Variants in HDAC9 observed in about 807,000 individuals in gnomAD.
The protein encoded by HDAC9 is histone deacetylase 9.
A neutral mutation model predicts 139.4 loss-of-function variants in HDAC9; 41 were observed. The observed-to-expected ratio is 0.29, with a 90% CI of 0.23 to 0.38. The LOEUF (loss-of-function observed/expected upper bound fraction) is 0.38. HDAC9 is among the 10% of genes least tolerant of loss of function. HDAC9 has a pLI of 1.00. For synonymous variants in HDAC9, 517 were observed against 476.2 expected, an observed-to-expected ratio of 1.09 and a Z score of -1.12; for missense variants, 1,147 against 1,297.0, an observed-to-expected ratio of 0.88 and a Z score of 1.78.
intron 1 of HDAC9, among the ~76,000 whole-genome samples, chr7:18,343,736 C>T (rs1434804043): frequency 6.6e-6 from 1 of 151,784 alleles, no homozygotes; most frequent in African/African-American, 2.4e-5. Flanking sequence ...AAATAACAAC[C>T]ATTTCCGCAT....
chr7:18,782,823 A>G (rs1276063429), intron 16 of HDAC9, among the ~76,000 whole-genome samples: 1 of 152,018 alleles, frequency 6.6e-6, no homozygotes, highest in Non-Finnish European at 1.5e-5. Flanking sequence ...ATGAGGAAGG[A>G]GTATTATTCC....
chr7:18,174,031 C>T (rs564361462), intron 2 of HDAC9, among the ~76,000 whole-genome samples: 122 of 152,288 alleles, frequency 8.0e-4, no homozygotes, highest in Admixed American at 1.3e-3. Context: ...CGATAATATC[C>T]TGAAGAGTGT....
intron 22 of HDAC9, among the ~76,000 whole-genome samples, chr7:18,896,754 G>C (rs1801237343): frequency 6.6e-6 from 1 of 152,054 alleles, no homozygotes; most frequent in Non-Finnish European, 1.5e-5. Flanking sequence ...TAAAGATAGT[G>C]ACATCGGGTC....
rs765824635 is a variant in HDAC9 at position 18,904,134 on chromosome 7, C to T, written c.2803+29538C>T. Among the ~76,000 whole-genome samples, 8 of 152,134 alleles carry T rather than the reference C, an allele frequency of 5.3e-5. No individual in the cohort carries two copies. The East Asian group carries it at 9.6e-4, about 18-fold the overall frequency. On this transcript the variant is annotated intron_variant, in intron 22 of 25. Transcript: ENST00000686413. ...CTTGGATTAAAAATATGTATTTTCC[C>T]GATTTCTTTTAAGTAGATAAAGTTT...
intron 2 of HDAC9, among the ~76,000 whole-genome samples, chr7:18,547,858 A>ACCTTCCCT (rs1815602856): frequency 3.7e-5 from 1 of 26,694 alleles, no homozygotes; most frequent in African/African-American, 1.3e-4. Flanking sequence ...CTTCCTTCCT[A>ACCTTCCCT]CCCTCCCTCC....
chr7:18,707,554 C>T (rs1017880314), intron 12 of HDAC9, among the ~76,000 whole-genome samples: 3 of 152,002 alleles, frequency 2.0e-5, no homozygotes, highest in South Asian at 4.1e-4. Context: ...GGAATATAGT[C>T]GGAATATATG....
intron 6 of HDAC9, among the ~76,000 whole-genome samples, chr7:18,619,645 A>T (rs1345664257): frequency 6.6e-6 from 1 of 152,200 alleles, no homozygotes; most frequent in Non-Finnish European, 1.5e-5. Context: ...GCCTGTCTAC[A>T]TTCTGAGAAG....
chr7:18,693,291 AAT>A (rs1315499685), intron 12 of HDAC9, among the ~76,000 whole-genome samples: 4 of 152,110 alleles, frequency 2.6e-5, no homozygotes, highest in African/African-American at 9.7e-5. Context: ...ATGTTTTTGT[AAT>A]AGTTATTGAA....
chr7:18,462,085 CAG>C lies in HDAC9; in HGVS notation c.-41-34174_-41-34173del, dbSNP rs1793900971. 2.0e-5 allele frequency among the ~76,000 whole-genome samples: 3 copies of C among 150,722 alleles called. No individual in the cohort carries two copies. The South Asian group carries it at 6.2e-4, about 31-fold the overall frequency. On this transcript the variant is annotated intron_variant, in intron 1 of 3. Transcript: ENST00000413509. The stretch of plus-strand genomic sequence containing the variant: ...ATCTCCTTTAAATAGTTATAAAACT[CAG>C]AGTTTACAACTTCTGGTCTTAACAT...
intron 16 of HDAC9, among the ~76,000 whole-genome samples, chr7:18,783,124 G>A (rs947216273): frequency 2.6e-5 from 4 of 152,008 alleles, no homozygotes; most frequent in African/African-American, 9.7e-5. Context: ...ACCAAATTTT[G>A]GTGTATGACT....
chr7:18,215,997 C>T (rs979764206), intron 2 of HDAC9, among the ~76,000 whole-genome samples: 2 of 151,976 alleles, frequency 1.3e-5, no homozygotes, highest in Non-Finnish European at 2.9e-5. Context: ...TCTCTCGTCT[C>T]GCACCTCTTC....
intron 1 of HDAC9, among the ~76,000 whole-genome samples, chr7:18,484,038 G>A (rs1795784467): frequency 6.6e-6 from 1 of 151,890 alleles, no homozygotes; most frequent in Admixed American, 6.6e-5. Context: ...TTACCCTAAT[G>A]GCTAAATATT....
At chr7:18,985,223 C>A (rs1270844550) in intron 25 of HDAC9, among the ~76,000 whole-genome samples, 1 of 152,086 alleles carries the variant, frequency 6.6e-6, no homozygotes, top group Non-Finnish European at 1.5e-5. Context: ...TCCCTACCCC[C>A]CCAACCCCAC....
At chr7:18,358,274 C>G (rs941925823) in intron 1 of HDAC9, among the ~76,000 whole-genome samples, 20 of 152,182 alleles carry the variant, frequency 1.3e-4, no homozygotes, top group Non-Finnish European at 1.3e-4. Flanking sequence ...TGAGTTTCAC[C>G]TGCAATTTAG....
chr7:18,910,648 C>A (rs1266670192), intron 22 of HDAC9, among the ~76,000 whole-genome samples: 12 of 151,894 alleles, frequency 7.9e-5, no homozygotes, highest in Non-Finnish European at 1.3e-4. Flanking sequence ...TTTCAGCATT[C>A]AGTATAGTAT....
chr7:18,319,321 T>G (rs1180108626), intron 1 of HDAC9, among the ~76,000 whole-genome samples: 1 of 152,176 alleles, frequency 6.6e-6, no homozygotes, highest in Non-Finnish European at 1.5e-5. Context: ...GTTTATGCAT[T>G]TAAACATAAA....
chr7:18,987,932 A>G (rs1471567982), intron 25 of HDAC9, among the ~76,000 whole-genome samples: 1 of 149,394 alleles, frequency 6.7e-6, no homozygotes, highest in Non-Finnish European at 1.5e-5. Flanking sequence ...ATCATTTTTT[A>G]TCGCATCTAT....
chr7:18,677,512 G>A (rs1007660406), intron 12 of HDAC9, among the ~76,000 whole-genome samples: 2 of 151,884 alleles, frequency 1.3e-5, no homozygotes, highest in African/African-American at 4.8e-5. Context: ...GAGTGAAAAT[G>A]AGTTGTACAC....
chr7:18,545,506 A>G (rs1222572236), intron 2 of HDAC9, among the ~76,000 whole-genome samples: 1 of 152,158 alleles, frequency 6.6e-6, no homozygotes, highest in Non-Finnish European at 1.5e-5. Flanking sequence ...TATTAGGTAT[A>G]TCTTTTGGCC....
Sources: gnomAD v4.1 joint callset for allele counts (sites outside exome capture counted in the v4.1 genomes callset) on GRCh38, gnomAD v4.1.1 for gene constraint, MANE v1.5 for transcripts, NCBI Gene and HGNC (gene_info 2026-07-23, HGNC 2026-07-21) for gene names.